The following CNKSR3 variants were observed in gnomAD, a reference collection of about 807,000 sequenced individuals.
CNKSR3 encodes the protein connector enhancer of kinase suppressor of ras 3.
A neutral mutation model predicts 67.7 loss-of-function variants in CNKSR3; 36 were observed. The ratio of observed to expected loss-of-function variants is 0.53; its 90% CI spans 0.41 to 0.70. The LOEUF (loss-of-function observed/expected upper bound fraction) is 0.70, where lower values mean the gene tolerates loss of function less well. CNKSR3 is among the 30% of genes least tolerant of loss of function. The pLI is 0.00. For missense variants in CNKSR3, 630 were observed against 695.2 expected, an observed-to-expected ratio of 0.91 and a Z score of 1.05; for synonymous variants, 281 against 271.4, an observed-to-expected ratio of 1.04 and a Z score of -0.35.
rs1784567614 is a variant in CNKSR3, at chr6:154,388,018, TTTC to T, written c.*18333_*18335del. Reference sequence around the variant, plus strand: ...CTGTTCTATTTTCTTTCTTTTTTTTTTTCAGTAAGAACACAAGGTGAGATCTAT... The same window carrying T: ...CTGTTCTATTTTCTTTCTTTTTTTTTAGTAAGAACACAAGGTGAGATCTAT... On this transcript the variant is annotated 3_prime_UTR_variant, in exon 13 of 13. Transcript: ENST00000607772. The T allele has an allele frequency of 6.6e-6, 1 of 151,924 alleles. No individual in the cohort carries two copies. The highest frequency in any genetic ancestry group is 1.5e-5 in the Non-Finnish European group (1 of 67,984). 9.4% of individuals were successfully genotyped at this position (151,924 alleles called of 1,614,324 possible).
chr6:154,468,773 C>T (rs946990592), intron 1 of CNKSR3, among the ~76,000 whole-genome samples: 16 of 152,184 alleles, frequency 1.1e-4, no homozygotes, highest in Admixed American at 2.0e-4. Context: ...CAGAGTCAGA[C>T]AACTTGGGCT....
rs182346055 is a variant in CNKSR3 at position 154,411,377 on chromosome 6, C to T, written c.1071-235G>A. 5.9e-5 allele frequency among the ~76,000 whole-genome samples: 9 copies of T among 152,128 alleles called. No homozygotes were observed. The East Asian group carries it at 1.4e-3, about 23-fold the overall frequency. On this transcript the variant is annotated intron_variant, in intron 10 of 12. Coordinates refer to ENST00000607772, the MANE Select transcript of CNKSR3 (RefSeq NM_173515.4). ...AAGAATAAATGCAGGCCGGACACAG[C>T]GGCTCCCGCCTGTAATCCCAGCACT...
chr6:154,486,469 A>AT (rs1786668918), intron 1 of CNKSR3, among the ~76,000 whole-genome samples: 15 of 118,962 alleles, frequency 1.3e-4, no homozygotes, highest in African/African-American at 8.3e-4. Context: ...GCTAATTTTT[A>AT]TTTTATTTTA....
chr6:154,446,270 G>A (rs1178789870), intron 2 of CNKSR3, among the ~76,000 whole-genome samples: 2 of 151,716 alleles, frequency 1.3e-5, no homozygotes, highest in African/African-American at 4.8e-5. Flanking sequence ...TTTAGCTAAG[G>A]ACACACCTTA....
At chr6:154,409,174 T>C (rs1243507187) in intron 12 of CNKSR3, among the ~76,000 whole-genome samples, 1 of 152,190 alleles carries the variant, frequency 6.6e-6, no homozygotes, top group Non-Finnish European at 1.5e-5. Context: ...ACCAAGTCCC[T>C]AGAAAGGGTC....
intron 1 of CNKSR3, among the ~76,000 whole-genome samples, chr6:154,504,489 A>C (rs1351832170): frequency 1.3e-5 from 2 of 152,238 alleles, no homozygotes; most frequent in East Asian, 3.8e-4. Context: ...AGTCAAAAGC[A>C]GAACTGGGAT....
chr6:154,470,003 C>T (rs1274361945), intron 1 of CNKSR3, among the ~76,000 whole-genome samples: 1 of 151,634 alleles, frequency 6.6e-6, no homozygotes, highest in African/African-American at 2.4e-5. Context: ...AAAAATTTTC[C>T]AGTACGTTTA....
rs1784630056 is a variant in CNKSR3 at position 154,393,571 on chromosome 6, T to C, written c.*12783A>G. On this transcript the variant is annotated 3_prime_UTR_variant, in exon 13 of 13. Coordinates refer to ENST00000607772, the MANE Select transcript of CNKSR3 (RefSeq NM_173515.4). ...TGTATATATTCTTACTGCTAACCCT[T>C]AGGACTTTTTAATCTTCTCCCAATT... The C allele has an allele frequency of 1.3e-5, 2 of 152,230 alleles. No individual in the cohort carries two copies. The highest frequency in any genetic ancestry group is 4.1e-4 in the South Asian group (2 of 4,834). 9.4% of individuals were successfully genotyped at this position (152,230 alleles called of 1,614,324 possible).
chr6:154,479,954 G>A (rs539790292), intron 1 of CNKSR3, among the ~76,000 whole-genome samples: 1 of 152,342 alleles, frequency 6.6e-6, no homozygotes, highest in Non-Finnish European at 1.5e-5. Flanking sequence ...CAGACTGGGG[G>A]TTTAACTGCA....
intron 1 of CNKSR3, among the ~76,000 whole-genome samples, chr6:154,479,400 C>A (rs1049641019): frequency 1.3e-5 from 2 of 152,050 alleles, no homozygotes; most frequent in African/African-American, 4.8e-5. Flanking sequence ...AAAGACCAGC[C>A]CAAGCCACGC....
chr6:154,407,494 T>C (rs894846922), intron 12 of CNKSR3, among the ~76,000 whole-genome samples: 2 of 152,102 alleles, frequency 1.3e-5, no homozygotes, highest in African/African-American at 4.8e-5. Context: ...ACTGAAACAT[T>C]TATTTTTATG....
chr6:154,500,072 T>C (rs890335788), intron 1 of CNKSR3, among the ~76,000 whole-genome samples: 1 of 152,192 alleles, frequency 6.6e-6, no homozygotes, highest in Non-Finnish European at 1.5e-5. Context: ...AAGATGGTGC[T>C]GACAACTTTA....
rs112354497 is a variant in CNKSR3 at position 154,406,239 on chromosome 6, A to C, written c.*115T>G. ...CAGTAGATAACTTTTCAAAAGAAAA[A>C]GAAATTGCATAAGGTCCCTACATAA... On this transcript the variant is annotated 3_prime_UTR_variant, in exon 13 of 13. Transcript: ENST00000607772. 1.4e-5 allele frequency: 14 copies of C among 980,788 alleles called. No individual in the cohort carries two copies. Among genetic ancestry groups the C allele is most frequent in the Non-Finnish European group, 2.1e-5 (14 of 672,826 alleles). The allele number at this position is 980,788 out of a possible 1,614,324, so 60.8% of individuals were successfully genotyped here.
rs747868871 is a variant in CNKSR3 at position 154,394,898 on chromosome 6, C to T, written c.*11456G>A. On this transcript the variant is annotated 3_prime_UTR_variant, in exon 13 of 13. Coordinates refer to ENST00000607772, the MANE Select transcript of CNKSR3 (RefSeq NM_173515.4). ...GGGTTGGATTCTTTGTTGCTTATAC[C>T]TCCAATGGCCAAATACATTTTCTTT... is the stretch of plus-strand genomic sequence containing the variant. 1.3e-5 allele frequency: 2 copies of T among 152,154 alleles called. No individual in the cohort carries two copies. Among genetic ancestry groups the T allele is most frequent in the African/African-American group, 4.8e-5 (2 of 41,442 alleles). 9.4% of individuals were successfully genotyped at this position (152,154 alleles called of 1,614,324 possible). A position where few individuals can be genotyped will look rare whatever the true frequency, so the allele number is the denominator to read the frequency against.
chr6:154,485,239 A>C (rs1424238760), intron 1 of CNKSR3, among the ~76,000 whole-genome samples: 1 of 152,230 alleles, frequency 6.6e-6, no homozygotes, highest in Non-Finnish European at 1.5e-5. Flanking sequence ...TATCTTACAA[A>C]TATCTTTTGA....
At chr6:154,450,311 CCCCT>C in intron 1 of CNKSR3, 53 bp from the exon 2 acceptor site, 1 of 1,558,420 alleles carries the variant, frequency 6.4e-7, no homozygotes, top group Non-Finnish European at 8.8e-7. Flanking sequence ...CTTTACCCAC[CCCCT>C]GCAAACTGCC....
chr6:154,417,060 A>C (rs1181352527), intron 9 of CNKSR3, among the ~76,000 whole-genome samples: 2 of 152,206 alleles, frequency 1.3e-5, no homozygotes, highest in African/African-American at 2.4e-5. Context: ...GAACATAACC[A>C]TGTGAGTTTT....
At chr6:154,419,030 TGC>T (rs1282398792) in intron 9 of CNKSR3, among the ~76,000 whole-genome samples, 177 of 131,742 alleles carry the variant, frequency 1.3e-3, no homozygotes, top group Non-Finnish European at 2.7e-3. Flanking sequence ...ATTACTCTCT[TGC>T]TTTTTTTTTT....
rs1354678055 is a variant in CNKSR3 at position 154,389,626 on chromosome 6, T to G, written c.*16728A>C. On this transcript the variant is annotated 3_prime_UTR_variant, in exon 13 of 13. Transcript: ENST00000607772. Reference sequence around the variant, plus strand: ...GAATTGTTTTGTCCCTGTCTTCAGATGACATCGTCTCATATATAGAACGCC... The same window carrying G: ...GAATTGTTTTGTCCCTGTCTTCAGAGGACATCGTCTCATATATAGAACGCC... 2 of 152,224 alleles carry G rather than the reference T, an allele frequency of 1.3e-5. No individual in the cohort carries two copies. Among genetic ancestry groups the G allele is most frequent in the Non-Finnish European group, 2.9e-5 (2 of 68,028 alleles). The allele number at this position is 152,224 out of a possible 1,614,324, so 9.4% of individuals were successfully genotyped here.
Sources: allele counts gnomAD v4.1 joint callset (sites outside exome capture counted in the v4.1 genomes callset), GRCh38; gene constraint gnomAD v4.1.1; transcripts MANE v1.5; gene names NCBI Gene and HGNC (gene_info 2026-07-23, HGNC 2026-07-21).